The following MAPK4 variants were observed in gnomAD, a reference collection of about 807,000 sequenced individuals.
MAPK4 encodes the protein Erk3-related.
A neutral mutation model predicts 47.7 loss-of-function variants in MAPK4; 22 were observed. The observed-to-expected ratio is 0.46, with a 90% CI of 0.33 to 0.66. MAPK4 has a LOEUF of 0.66. MAPK4 is among the 30% of genes least tolerant of loss of function. The probability of loss-of-function intolerance (pLI) is 0.02; values close to 1 mark genes in which losing one functional copy is unlikely to be tolerated. For missense variants in MAPK4, 736 were observed against 831.7 expected, an observed-to-expected ratio of 0.88 and a Z score of 1.42; for synonymous variants, 390 against 365.7, an observed-to-expected ratio of 1.07 and a Z score of -0.76.
chr18:50,590,896 A>G (rs2061620890), intron 1 of MAPK4, among the ~76,000 whole-genome samples: 1 of 152,208 alleles, frequency 6.6e-6, no homozygotes, highest in East Asian at 1.9e-4. Context: ...GCATTTAGGA[A>G]AGGTTAGTTC....
intron 1 of MAPK4, among the ~76,000 whole-genome samples, chr18:50,597,948 C>A (rs2042498410): frequency 6.6e-6 from 1 of 152,216 alleles, no homozygotes; most frequent in Non-Finnish European, 1.5e-5. Context: ...GCATCTCTAT[C>A]TCTTTGAAGA....
In MAPK4 at chr18:50,580,656, G is replaced by A. The variant is rs187617529; in HGVS notation, c.-871+20413G>A. Among the ~76,000 whole-genome samples the A allele has an allele frequency of 2.7e-3, 405 of 152,272 alleles. 1 individual carries two copies. Among genetic ancestry groups the A allele is most frequent in the Admixed American group, 4.8e-3 (74 of 15,302 alleles). ...CCCTACAGTGGGAACCATCCTAGAC[G>A]TCTGTTCCTTGAGTCACTTAAGGGT... On this transcript the variant is annotated intron_variant, in intron 1 of 5. Coordinates refer to ENST00000400384, the MANE Select transcript of MAPK4 (RefSeq NM_002747.4).
In MAPK4 at chr18:50,624,045, T is replaced by G. The variant is rs532392906; in HGVS notation, c.-870-39044T>G. Among the ~76,000 whole-genome samples the G allele has an allele frequency of 2.7e-3, 409 of 152,374 alleles. 4 individuals are homozygous for G. Among genetic ancestry groups the G allele is most frequent in the African/African-American group, 9.4e-3 (392 of 41,594 alleles). ...TTCTGGCCAAAATAATCTTTTCCCC[T>G]GACGTATGCAATCACATCACCTGTC... On this transcript the variant is annotated intron_variant, in intron 1 of 5. Transcript: ENST00000400384.
At chr18:50,614,369 A>T (rs1278096026) in intron 1 of MAPK4, among the ~76,000 whole-genome samples, 1 of 152,140 alleles carries the variant, frequency 6.6e-6, no homozygotes, top group African/African-American at 2.4e-5. Context: ...TTTTTCAAAA[A>T]TTTTAAACAG....
intron 1 of MAPK4, among the ~76,000 whole-genome samples, chr18:50,659,170 C>T (rs1598878381): frequency 6.6e-6 from 1 of 152,168 alleles, no homozygotes; most frequent in East Asian, 1.9e-4. Flanking sequence ...AAAAGTTTGC[C>T]AATGCCTGGT....
intron 1 of MAPK4, among the ~76,000 whole-genome samples, chr18:50,606,466 T>G (rs2042584237): frequency 6.6e-6 from 1 of 152,170 alleles, no homozygotes. Context: ...TCTAGAAAAG[T>G]AATGCAAAAA....
chr18:50,729,437 C>A lies in MAPK4; in HGVS notation c.1347C>A (p.His449Gln), dbSNP rs763702680. The A allele has an allele frequency of 4.5e-6, 7 of 1,539,514 alleles. No homozygotes were observed. The highest frequency in any genetic ancestry group is 5.3e-6 in the Non-Finnish European group (6 of 1,140,176). Residue 449 changes from histidine to glutamine, a missense_variant, in exon 6 of 6, where the codon CAC becomes CAA. Transcript: ENST00000400384. ...DKLLWRDNKP[H>Q]HYSEPKLILD... ...TGCTGTGGCGCGACAACAAGCCGCA[C>A]CACTACTCGGAGCCCAAGCTCATCC...
intron 1 of MAPK4, among the ~76,000 whole-genome samples, chr18:50,599,362 G>T (rs1257996919): frequency 1.3e-5 from 2 of 152,110 alleles, no homozygotes; most frequent in Non-Finnish European, 2.9e-5. Context: ...AGCTAAAAGT[G>T]ACAATATATG....
intron 1 of MAPK4, among the ~76,000 whole-genome samples, chr18:50,637,491 A>C (rs1202469149): frequency 6.6e-6 from 1 of 152,198 alleles, no homozygotes; most frequent in Non-Finnish European, 1.5e-5. Context: ...AGTAAAGGAC[A>C]GGGGATGGGC....
intron 1 of MAPK4, among the ~76,000 whole-genome samples, chr18:50,611,723 AG>A (rs1168591821): frequency 6.6e-6 from 1 of 152,204 alleles, no homozygotes; most frequent in East Asian, 1.9e-4. Context: ...AATGGCCCAG[AG>A]GAAATGAAAA....
At chr18:50,595,710 CAT>C (rs1316377379) in intron 1 of MAPK4, among the ~76,000 whole-genome samples, 4 of 152,202 alleles carry the variant, frequency 2.6e-5, no homozygotes, top group Non-Finnish European at 2.9e-5. Context: ...TAAATGGTAA[CAT>C]GTGAAATAGA....
intron 5 of MAPK4, among the ~76,000 whole-genome samples, chr18:50,727,215 T>C (rs905253252): frequency 6.6e-6 from 1 of 152,198 alleles, no homozygotes; most frequent in Admixed American, 6.5e-5. Flanking sequence ...ATCTGCTAAT[T>C]CTGGGAGGGA....
chr18:50,653,523 A>G (rs1250333935), intron 1 of MAPK4, among the ~76,000 whole-genome samples: 2 of 152,220 alleles, frequency 1.3e-5, no homozygotes, highest in Non-Finnish European at 2.9e-5. Context: ...AGGAAGCCCC[A>G]TGGGAGATGA....
In MAPK4 at chr18:50,663,398, A is replaced by T. The variant is rs1416932859; in HGVS notation, c.-561A>T. 1 of 152,262 alleles carries T rather than the reference A, an allele frequency of 6.6e-6. No homozygotes were observed. Among genetic ancestry groups the T allele is most frequent in the Non-Finnish European group, 1.5e-5 (1 of 68,084 alleles). 9.4% of individuals were successfully genotyped at this position (152,262 alleles called of 1,614,324 possible). ...AGGAGAGGTAGAAAGAAGCCCCTGGATGCCTCCAGAATTCATTGATGGGAT... is the reference window on the plus strand; with the variant it reads ...AGGAGAGGTAGAAAGAAGCCCCTGGTTGCCTCCAGAATTCATTGATGGGAT... On this transcript the variant is annotated 5_prime_UTR_variant, in exon 2 of 6. An upstream start codon of the reference 5' UTR is lost. Coordinates refer to ENST00000400384, the MANE Select transcript of MAPK4 (RefSeq NM_002747.4).
chr18:50,648,519 G>C (rs2043013540), intron 1 of MAPK4, among the ~76,000 whole-genome samples: 1 of 152,168 alleles, frequency 6.6e-6, no homozygotes, highest in Admixed American at 6.5e-5. Flanking sequence ...CTGATTGCAG[G>C]GGATGCAGGA....
At chr18:50,697,676 G>A (rs1909584778) in intron 2 of MAPK4, among the ~76,000 whole-genome samples, 1 of 152,174 alleles carries the variant, frequency 6.6e-6, no homozygotes, top group Non-Finnish European at 1.5e-5. Context: ...AGGGGACAGG[G>A]GAAGCTGTCA....
intron 1 of MAPK4, among the ~76,000 whole-genome samples, chr18:50,593,698 G>T (rs544660721): frequency 1.3e-5 from 2 of 152,262 alleles, no homozygotes; most frequent in Middle Eastern, 3.4e-3. Context: ...ACCCTGGAAG[G>T]CTAATTTGAA....
At chr18:50,676,125 A>G (rs576752072) in intron 2 of MAPK4, among the ~76,000 whole-genome samples, 2 of 152,272 alleles carry the variant, frequency 1.3e-5, no homozygotes, top group South Asian at 4.2e-4. Flanking sequence ...AATATGGTTG[A>G]TCTTTTTTTA....
intron 1 of MAPK4, among the ~76,000 whole-genome samples, chr18:50,616,767 G>A (rs188129076): frequency 2.2e-4 from 33 of 152,314 alleles, no homozygotes; most frequent in Admixed American, 1.9e-3. Flanking sequence ...ATGAAGACCA[G>A]AACACTCAGC....
Sources: allele counts gnomAD v4.1 joint callset (sites outside exome capture counted in the v4.1 genomes callset), GRCh38; gene constraint gnomAD v4.1.1; transcripts MANE v1.5; gene names NCBI Gene and HGNC (gene_info 2026-07-23, HGNC 2026-07-21).